AOX1: variants seen among roughly 807,000 people sequenced by gnomAD.
AOX1 encodes the protein aldehyde oxidase 1, also known as aldehyde oxidase.
A neutral mutation model predicts 169.5 loss-of-function variants in AOX1; 153 were observed. The observed-to-expected ratio is 0.90, with a 90% CI of 0.79 to 1.03. AOX1 has a LOEUF of 1.03. Among genes scored for constraint, AOX1 ranks in the 50% least tolerant of loss-of-function variants. The probability of loss-of-function intolerance (pLI) is 0.00; values close to 1 mark genes in which losing one functional copy is unlikely to be tolerated. For synonymous variants in AOX1, 562 were observed against 581.9 expected (o/e 0.97, Z 0.49); for missense variants, 1,656 against 1,663.9 (o/e 1.00, Z 0.08).
At chr2:200,606,123 A>T (rs994596834) in intron 10 of AOX1, among the ~76,000 whole-genome samples, 1 of 152,170 alleles carries the variant, frequency 6.6e-6, no homozygotes, top group Non-Finnish European at 1.5e-5. Flanking sequence ...TTTGGGTTTT[A>T]CATTTAAGTC....
intron 18 of AOX1, among the ~76,000 whole-genome samples, chr2:200,621,913 C>T (rs945702281): frequency 6.6e-6 from 1 of 152,056 alleles, no homozygotes; most frequent in South Asian, 2.1e-4. Flanking sequence ...TCACCATGCT[C>T]GGCTAATTTT....
Position 200,613,953 on chromosome 2 carries a change from T to A in AOX1, c.1598T>A (p.Ile533Asn). The change falls in exon 15 of 35, where the codon ATT becomes AAT. Residue 533 changes from isoleucine (I) to asparagine (N), a missense_variant. Ile to Asn is a moderately radical substitution (Grantham distance 149). Transcript: ENST00000374700. The part of the protein sequence containing the change: ...LFKFYLEVSQ[I>N]LKKMDPVHYP... Reference sequence around the variant, plus strand: ...AAGTTCTACCTGGAAGTGTCACAGATTTTGAAAAAGATGGTAAACAACTGT... The same window carrying A: ...AAGTTCTACCTGGAAGTGTCACAGAATTTGAAAAAGATGGTAAACAACTGT... 6.2e-7 allele frequency: 1 copy of A among 1,611,828 alleles called. No homozygotes were observed.
intron 18 of AOX1, among the ~76,000 whole-genome samples, chr2:200,623,591 A>G (rs1398324110): frequency 6.6e-6 from 1 of 152,246 alleles, no homozygotes; most frequent in African/African-American, 2.4e-5. Flanking sequence ...ACACAGCCTC[A>G]TAGGCTTGGC....
intron 26 of AOX1, among the ~76,000 whole-genome samples, chr2:200,651,684 C>T (rs2035582309): frequency 6.6e-6 from 1 of 152,138 alleles, no homozygotes. Flanking sequence ...AAATAAATCA[C>T]TTTTTAAATA....
rs946489125 is a variant in AOX1 at position 200,588,677 on chromosome 2, G to C, written c.45+2524G>C. ...TAAATTCTGTTAGGTGTGTGCTTCG[G>C]TACTTAATAAACAAGCCTGATTACT... On this transcript the variant is annotated intron_variant, in intron 1 of 34. Coordinates refer to ENST00000374700, the MANE Select transcript of AOX1 (RefSeq NM_001159.4). Among the ~76,000 whole-genome samples the C allele has an allele frequency of 2.8e-5, 4 of 140,942 alleles. No homozygotes were observed. The East Asian group carries it at 8.2e-4, about 29-fold the overall frequency. 92.5% of individuals were successfully genotyped at this position (140,942 alleles called of 152,430 possible).
chr2:200,597,675 T>G (rs2034315295), intron 4 of AOX1, among the ~76,000 whole-genome samples, 170 bp downstream of exon 4: 1 of 152,168 alleles, frequency 6.6e-6, no homozygotes, highest in African/African-American at 2.4e-5. Flanking sequence ...GATATGTGAG[T>G]GTTTCTGACT....
At chr2:200,627,222 G>A (rs2035024142) in intron 19 of AOX1, 131 bp from the exon 20 acceptor site, 2 of 655,426 alleles carry the variant, frequency 3.1e-6, no homozygotes, top group Non-Finnish European at 5.4e-6. Flanking sequence ...CAGGGTCATG[G>A]TGAAAGTGCA....
chr2:200,602,305 G>A lies in AOX1; in HGVS notation c.458G>A (p.Gly153Glu), dbSNP rs868087665. The change falls in exon 6 of 35, where the codon GGA (glycine) becomes GAA (glutamate). Residue 153 changes from glycine (G) to glutamate (E), a missense_variant. Coordinates refer to ENST00000374700, the MANE Select transcript of AOX1 (RefSeq NM_001159.4). Reference protein sequence around the residue: ...ALGGNLCRCTGYRPIIDACKT... With the variant: ...ALGGNLCRCTEYRPIIDACKT... ...TCAGGTAACCTGTGCCGTTGCACTG[G>A]ATACAGGCCCATAATTGATGCATGC... 2.5e-6 allele frequency: 4 copies of A among 1,613,910 alleles called. No homozygotes were observed. The highest frequency in any genetic ancestry group is 3.4e-6 in the Non-Finnish European group (4 of 1,179,966).
chr2:200,655,214 G>A (rs1322784845), intron 26 of AOX1, among the ~76,000 whole-genome samples: 1 of 152,136 alleles, frequency 6.6e-6, no homozygotes, highest in East Asian at 1.9e-4. Context: ...GTTGCATTCC[G>A]AGAGATTCCT....
Position 200,603,353 on chromosome 2 carries a change from T to C in AOX1, c.585T>C (p.Ser195=). Reference sequence around the variant, plus strand: ...GATTGCCAGAATTTGAGGAAGGAAGTAAGGTCAGTGAAATGTAAAGCTTTT... The same window carrying C: ...GATTGCCAGAATTTGAGGAAGGAAGCAAGGTCAGTGAAATGTAAAGCTTTT... ...INGLPEFEEG[S]KTSPKLFAEE... is the part of the protein sequence containing the mutation. Residue 195 remains serine (S), a synonymous_variant, in exon 7 of 35, where the codon AGT becomes AGC. Coordinates refer to ENST00000374700, the MANE Select transcript of AOX1 (RefSeq NM_001159.4). 6.2e-7 allele frequency: 1 copy of C among 1,611,902 alleles called. No individual in the cohort carries two copies. The highest frequency in any genetic ancestry group is 8.5e-7 in the Non-Finnish European group (1 of 1,178,146).
At chr2:200,660,117 G>A (rs1198195312) in intron 29 of AOX1, 48 bp downstream of exon 29, 1 of 1,478,984 alleles carries the variant, frequency 6.8e-7, no homozygotes, top group Non-Finnish European at 9.4e-7. Flanking sequence ...AAAAAGGAGT[G>A]GGAGGAGAGC....
chr2:200,624,618 C>T (rs1447863179), intron 19 of AOX1, among the ~76,000 whole-genome samples: 1 of 152,092 alleles, frequency 6.6e-6, no homozygotes, highest in African/African-American at 2.4e-5. Flanking sequence ...GTCAGAGACA[C>T]GATTTTTAGA....
Position 200,629,843 on chromosome 2 carries a change from A to T in AOX1, c.2221+2394A>T, listed in dbSNP as rs184141409. Among the ~76,000 whole-genome samples, 232 of 152,292 alleles carry T rather than the reference A, an allele frequency of 1.5e-3. 2 individuals carry two copies. The highest frequency in any genetic ancestry group is 5.4e-3 in the African/African-American group (224 of 41,560). ...TCTTCTTTAATTATCTAATTCAATT[A>T]GGTGATTGATTTAGTCTGCCTCTTA... On this transcript the variant is annotated intron_variant, in intron 20 of 34. Transcript: ENST00000374700.
chr2:200,589,466 C>T (rs2034123546), intron 1 of AOX1, among the ~76,000 whole-genome samples: 1 of 152,196 alleles, frequency 6.6e-6, no homozygotes, highest in African/African-American at 2.4e-5. Context: ...GAATCCTGTG[C>T]TATCTGCTCT....
Position 200,597,519 on chromosome 2 carries a change from T to C in AOX1, c.309+14T>C, listed in dbSNP as rs761262595. ...CATCCTGTTCAGGTGAGGATGTGCC[T>C]CTTCCTTATAGGCTTTCTGTGCTTT... On this transcript the variant is annotated intron_variant, in intron 4 of 34. Transcript: ENST00000374700. 5 of 1,576,324 alleles carry C rather than the reference T, an allele frequency of 3.2e-6. No homozygotes were observed. The highest frequency in any genetic ancestry group is 4.4e-6 in the Non-Finnish European group (5 of 1,148,968).
chr2:200,668,317 C>G (rs1410712130), intron 32 of AOX1, among the ~76,000 whole-genome samples: 2 of 152,046 alleles, frequency 1.3e-5, no homozygotes, highest in Non-Finnish European at 2.9e-5. Context: ...CTATGTTAGT[C>G]AGGCTGGTCT....
chr2:200,654,505 C>T (rs2035645057), intron 26 of AOX1, among the ~76,000 whole-genome samples: 1 of 152,166 alleles, frequency 6.6e-6, no homozygotes, highest in South Asian at 2.1e-4. Flanking sequence ...GTGTGATTTG[C>T]TTTATTGCTG....
At chr2:200,610,429 C>A (rs2034611247) in intron 12 of AOX1, among the ~76,000 whole-genome samples, 1 of 152,094 alleles carries the variant, frequency 6.6e-6, no homozygotes, top group South Asian at 2.1e-4. Flanking sequence ...GAGTAACATC[C>A]CCTAAAAGTC....
chr2:200,603,632 A>C (rs2034457489), intron 7 of AOX1, among the ~76,000 whole-genome samples: 1 of 152,188 alleles, frequency 6.6e-6, no homozygotes, highest in South Asian at 2.1e-4. Flanking sequence ...CATTTTTTCA[A>C]GTTATTTTTC....
Sources: gnomAD v4.1 joint callset for allele counts (sites outside exome capture counted in the v4.1 genomes callset) on GRCh38, gnomAD v4.1.1 for gene constraint, MANE v1.5 for transcripts, NCBI Gene and HGNC (gene_info 2026-07-23, HGNC 2026-07-21) for gene names.